Variants in IGF2R observed in about 807,000 individuals in gnomAD.
The protein encoded by IGF2R is insulin like growth factor 2 receptor.
A neutral mutation model predicts 270.6 loss-of-function variants in IGF2R; 91 were observed. That is an observed-to-expected ratio of 0.34 (90% CI 0.28 to 0.40). The LOEUF (loss-of-function observed/expected upper bound fraction) is 0.40, where lower values mean the gene tolerates loss of function less well. IGF2R is among the 10% of genes least tolerant of loss of function. The pLI is 1.00. For synonymous variants in IGF2R, 1,316 were observed against 1,258.9 expected (o/e 1.05, Z -0.96); for missense variants, 2,805 against 3,188.3 (o/e 0.88, Z 2.90).
At chr6:160,055,575 G>C (rs536938607) in intron 19 of IGF2R, among the ~76,000 whole-genome samples, 1 of 152,130 alleles carries the variant, frequency 6.6e-6, no homozygotes, top group South Asian at 2.1e-4. Flanking sequence ...TGTTGCTGAG[G>C]CCTGGAGTGG....
At position 159,969,526 on chromosome 6, in the gene IGF2R, G is replaced by A. The variant is rs972210913; in HGVS notation, c.149+131G>A. The stretch of plus-strand genomic sequence containing the variant: ...TCCGTTCCGCGCCGGGGTCCGCCCC[G>A]TTCCCGAGGGAAAGTTGCCTGCGTG... On this transcript the variant is annotated intron_variant, in intron 1 of 47. Coordinates refer to ENST00000356956, the MANE Select transcript of IGF2R (RefSeq NM_000876.4). 8.4e-6 allele frequency: 6 copies of A among 710,410 alleles called. No homozygotes were observed. The Admixed American group carries it at 1.5e-4, about 18-fold the overall frequency. 44.0% of individuals were successfully genotyped at this position (710,410 alleles called of 1,614,324 possible). A position where few individuals can be genotyped will look rare whatever the true frequency, so the allele number is the denominator to read the frequency against.
Position 160,010,172 on chromosome 6 carries a change from T to C in IGF2R, c.415-515T>C, listed in dbSNP as rs558131403. ...TGAAGAGGCCAGTTCCTGCTGTGCTTGTGTCATCCTGCGATGCTGGGGTTG... is the reference window on the plus strand; with the variant it reads ...TGAAGAGGCCAGTTCCTGCTGTGCTCGTGTCATCCTGCGATGCTGGGGTTG... On this transcript the variant is annotated intron_variant, in intron 3 of 47. Transcript: ENST00000356956. Among the ~76,000 whole-genome samples the C allele has an allele frequency of 9.2e-5, 14 of 152,318 alleles. No individual in the cohort carries two copies. The East Asian group carries it at 2.7e-3, about 29-fold the overall frequency.
In IGF2R at chr6:160,105,118, G is replaced by A. The variant is rs1188665827; in HGVS notation, c.*34G>A. ...TGCCTGCAGGGGAGCACGGAGCCGC[G>A]GGACAGCCAAGCACCTCCAACCAAA... On this transcript the variant is annotated 3_prime_UTR_variant, in exon 48 of 48. Coordinates refer to ENST00000356956, the MANE Select transcript of IGF2R (RefSeq NM_000876.4). The A allele has an allele frequency of 7.4e-6, 11 of 1,478,510 alleles. No homozygotes were observed. The highest frequency in any genetic ancestry group is 7.3e-5 in the East Asian group (3 of 41,110). 91.6% of individuals were successfully genotyped at this position (1,478,510 alleles called of 1,614,324 possible).
At chr6:160,089,614 G>A (rs1779173775) in intron 43 of IGF2R, among the ~76,000 whole-genome samples, 1 of 152,268 alleles carries the variant, frequency 6.6e-6, no homozygotes, top group South Asian at 2.1e-4. Context: ...CTGCTCTTGG[G>A]GGTGGTGGCC....
At chr6:159,995,919 A>G (rs1231592437) in intron 2 of IGF2R, among the ~76,000 whole-genome samples, 2 of 118,092 alleles carry the variant, frequency 1.7e-5, no homozygotes, top group Admixed American at 9.0e-5. Context: ...TTTTTTTAAT[A>G]CTTCTAGAGT....
At chr6:160,066,178 C>T (rs768621076) in intron 29 of IGF2R, among the ~76,000 whole-genome samples, 1 of 151,926 alleles carries the variant, frequency 6.6e-6, no homozygotes, top group Non-Finnish European at 1.5e-5. Flanking sequence ...CCACACCTGG[C>T]GAATTTTTTT....
In IGF2R at chr6:160,029,609, G is replaced by A. The variant is rs1235588066; in HGVS notation, c.836G>A (p.Ser279Asn). The A allele has an allele frequency of 6.2e-7, 1 of 1,614,050 alleles. No individual in the cohort carries two copies. Among genetic ancestry groups the A allele is most frequent in the African/African-American group, 1.3e-5 (1 of 74,940 alleles). The change falls in exon 7 of 48, where the codon AGC becomes AAC. Residue 279 changes from serine to asparagine, a missense_variant. By Grantham distance (46) the Ser-to-Asn change is conservative. This residue lies in a region of IGF2R where 954 missense variants were observed against 981.1 expected (regional missense o/e 0.97). Transcript: ENST00000356956. ...AGKLDFCDGH[S>N]PAVTITFVCP... ...AAGCTAGACTTTTGTGATGGTCACAGCCCTGCGGTGACTATTACATTTGTT... is the reference window on the plus strand; with the variant it reads ...AAGCTAGACTTTTGTGATGGTCACAACCCTGCGGTGACTATTACATTTGTT...
chr6:160,094,343 T>C (rs1179875743), intron 44 of IGF2R: 1 of 260,366 alleles, frequency 3.8e-6, no homozygotes, highest in Non-Finnish European at 7.6e-6. Flanking sequence ...CAAAGCTCTT[T>C]CACTGGATGT....
intron 13 of IGF2R, 80 bp downstream of exon 13, chr6:160,044,737 G>A: frequency 8.8e-7 from 1 of 1,133,062 alleles, no homozygotes; most frequent in Non-Finnish European, 1.3e-6. Flanking sequence ...TTCCTCATCA[G>A]TCACTGCAAA....
chr6:160,013,037 C>A (rs113513755), intron 4 of IGF2R, among the ~76,000 whole-genome samples: 19 of 151,954 alleles, frequency 1.3e-4, no homozygotes, highest in African/African-American at 4.6e-4. Context: ...AGACCCCAGA[C>A]CTCTCAGTCC....
chr6:160,006,004 C>G (rs968778508), intron 2 of IGF2R: 2 of 159,908 alleles, frequency 1.3e-5, no homozygotes, highest in African/African-American at 4.8e-5. Context: ...TCCTCATGCC[C>G]CTCCGCGCCC....
chr6:160,083,622 G>A (rs953772268), intron 39 of IGF2R, among the ~76,000 whole-genome samples: 2 of 152,240 alleles, frequency 1.3e-5, no homozygotes, highest in African/African-American at 2.4e-5. Context: ...CTTCCGCAGT[G>A]CATTGTGCCC....
intron 20 of IGF2R, among the ~76,000 whole-genome samples, chr6:160,056,798 T>G (rs770329951): frequency 6.6e-6 from 1 of 152,312 alleles, no homozygotes. Flanking sequence ...CATGTGGCAG[T>G]GGTATCCTGG....
chr6:160,016,779 A>C (rs982145484), intron 4 of IGF2R, among the ~76,000 whole-genome samples: 1 of 152,262 alleles, frequency 6.6e-6, no homozygotes, highest in Admixed American at 6.5e-5. Flanking sequence ...AGGAATTCAT[A>C]CAGTCTTTGA....
intron 45 of IGF2R, among the ~76,000 whole-genome samples, chr6:160,097,144 T>G (rs1421078098): frequency 6.6e-6 from 1 of 152,258 alleles, no homozygotes; most frequent in Non-Finnish European, 1.5e-5. Flanking sequence ...ACTCTCCAGA[T>G]TTTGAGAATC....
intron 1 of IGF2R, among the ~76,000 whole-genome samples, chr6:159,979,491 A>T (rs1279357113): frequency 1.3e-5 from 2 of 151,986 alleles, no homozygotes; most frequent in Non-Finnish European, 2.9e-5. Flanking sequence ...TTTTACAGTC[A>T]CCCCTTTAGA....
intron 4 of IGF2R, among the ~76,000 whole-genome samples, chr6:160,023,356 T>C (rs1777479137): frequency 6.6e-6 from 1 of 152,100 alleles, no homozygotes; most frequent in South Asian, 2.1e-4. Context: ...TGGTGCCATT[T>C]GTTGAGATGA....
intron 1 of IGF2R, among the ~76,000 whole-genome samples, chr6:159,990,777 G>A (rs569458482): frequency 1.3e-5 from 2 of 152,146 alleles, no homozygotes; most frequent in African/African-American, 2.4e-5. Flanking sequence ...TTATAGGCGT[G>A]TGCCACCACG....
At chr6:160,029,485 C>A in intron 6 of IGF2R, 65 bp from the exon 7 acceptor site, 4 of 993,388 alleles carry the variant, frequency 4.0e-6, no homozygotes, top group South Asian at 1.3e-5. Flanking sequence ...ATGCTCAGGG[C>A]AACATATGAA....
Sources: allele counts gnomAD v4.1 joint callset (sites outside exome capture counted in the v4.1 genomes callset), GRCh38; gene constraint gnomAD v4.1.1; regional missense constraint gnomAD v4.1.1; transcripts MANE v1.5; gene names NCBI Gene and HGNC (gene_info 2026-07-23, HGNC 2026-07-21).